PTPRM: variants seen among roughly 807,000 people sequenced by gnomAD.
PTPRM encodes receptor-type tyrosine-protein phosphatase mu.
In PTPRM, 47 loss-of-function variants were observed where a neutral mutation model predicts 186.7. That is an observed-to-expected ratio of 0.25 (90% CI 0.20 to 0.32). PTPRM has a LOEUF of 0.32. PTPRM is among the 10% of genes least tolerant of loss of function. PTPRM has a pLI of 1.00. For synonymous variants in PTPRM, 668 were observed against 674.9 expected (o/e 0.99, Z 0.16); for missense variants, 1,494 against 1,865.0 (o/e 0.80, Z 3.66).
At chr18:8,028,133 G>C (rs1335093468) in intron 7 of PTPRM, among the ~76,000 whole-genome samples, 1 of 152,142 alleles carries the variant, frequency 6.6e-6, no homozygotes, top group South Asian at 2.1e-4. Flanking sequence ...TTCCCAAGTA[G>C]CTGGAATTAC....
At chr18:8,276,941 T>G (rs1403593437) in intron 19 of PTPRM, among the ~76,000 whole-genome samples, 2 of 119,302 alleles carry the variant, frequency 1.7e-5, no homozygotes, top group African/African-American at 2.9e-5. Context: ...TTGCCAAAAC[T>G]GTAATTTTTT....
At chr18:7,786,795 T>A (rs950559728) in intron 2 of PTPRM, among the ~76,000 whole-genome samples, 1 of 152,216 alleles carries the variant, frequency 6.6e-6, no homozygotes, top group Non-Finnish European at 1.5e-5. Context: ...TGCCAGTAGG[T>A]CAACCACTGA....
chr18:7,606,306 T>C (rs576065929), intron 1 of PTPRM, among the ~76,000 whole-genome samples: 14 of 152,214 alleles, frequency 9.2e-5, no homozygotes, highest in Non-Finnish European at 1.3e-4. Context: ...CTTACTGTGG[T>C]TGCTTCTGTG....
At chr18:7,744,405 A>C (rs2040943367) in intron 1 of PTPRM, among the ~76,000 whole-genome samples, 1 of 151,974 alleles carries the variant, frequency 6.6e-6, no homozygotes, top group Non-Finnish European at 1.5e-5. Context: ...GAGTGGGAGT[A>C]AGGTAGAGTA....
intron 20 of PTPRM, among the ~76,000 whole-genome samples, chr18:8,302,803 T>C (rs1228203855): frequency 6.6e-6 from 1 of 151,814 alleles, no homozygotes; most frequent in Admixed American, 6.6e-5. Context: ...GGATGGGCCA[T>C]TCCCTTCCAG....
At chr18:7,853,680 C>T (rs1030789665) in intron 2 of PTPRM, among the ~76,000 whole-genome samples, 25 of 152,110 alleles carry the variant, frequency 1.6e-4, no homozygotes, top group African/African-American at 5.6e-4. Flanking sequence ...GTGGTAGAGA[C>T]ATACTTGTGC....
At chr18:7,879,465 T>A (rs1262203541) in intron 2 of PTPRM, among the ~76,000 whole-genome samples, 1 of 152,164 alleles carries the variant, frequency 6.6e-6, no homozygotes, top group East Asian at 1.9e-4. Flanking sequence ...TAGGTCCAAG[T>A]TTGTCTCGTT....
At chr18:7,859,521 C>T (rs2047251045) in intron 2 of PTPRM, among the ~76,000 whole-genome samples, 1 of 152,234 alleles carries the variant, frequency 6.6e-6, no homozygotes, top group Admixed American at 6.5e-5. Context: ...CTTCCATGAG[C>T]CTTCTGAACT....
rs937226442 is a variant in PTPRM, at chr18:7,711,299, C to T, written c.74-62850C>T. Among the ~76,000 whole-genome samples the T allele has an allele frequency of 2.0e-5, 3 of 152,284 alleles. No individual in the cohort carries two copies. In the East Asian group the frequency reaches 5.8e-4, roughly 30 times the overall value. On this transcript the variant is annotated intron_variant, in intron 1 of 32. Transcript: ENST00000580170. Reference sequence around the variant, plus strand: ...TGCCGTGAGGGACGGTGCACTCTGGCCCAGATACTACGCTTTTCTCATCGT... The same window carrying T: ...TGCCGTGAGGGACGGTGCACTCTGGTCCAGATACTACGCTTTTCTCATCGT...
At chr18:7,896,201 G>A (rs530247011) in intron 3 of PTPRM, among the ~76,000 whole-genome samples, 1 of 152,236 alleles carries the variant, frequency 6.6e-6, no homozygotes, top group African/African-American at 2.4e-5. Flanking sequence ...CTTTGATTTA[G>A]ACATTGATTT....
intron 1 of PTPRM, among the ~76,000 whole-genome samples, chr18:7,686,498 T>A (rs1232492979): frequency 3.3e-5 from 5 of 151,870 alleles, no homozygotes; most frequent in Non-Finnish European, 7.4e-5. Context: ...CTTATTTGCA[T>A]AATATCAATG....
rs1271589606 is a variant in PTPRM at position 7,768,656 on chromosome 18, T to A, written c.74-5493T>A. ...AAGATATATATATATATATTTTTTT[T>A]TTTTTTTGAGTTGGAGTTTCACTCT... On this transcript the variant is annotated intron_variant, in intron 1 of 32. Transcript: ENST00000580170. Among the ~76,000 whole-genome samples the A allele has an allele frequency of 1.6e-3, 242 of 150,932 alleles. 1 individual carries two copies. The highest frequency in any genetic ancestry group is 5.5e-3 in the African/African-American group (229 of 41,304).
intron 1 of PTPRM, among the ~76,000 whole-genome samples, chr18:7,620,362 A>C (rs763736220): frequency 9.9e-5 from 15 of 152,078 alleles, no homozygotes; most frequent in Non-Finnish European, 2.1e-4. Context: ...TTTTATGCTA[A>C]CCAAACATGG....
At chr18:7,948,171 AC>A (rs2052678546) in intron 5 of PTPRM, among the ~76,000 whole-genome samples, 1 of 149,406 alleles carries the variant, frequency 6.7e-6, no homozygotes, top group Non-Finnish European at 1.5e-5. Flanking sequence ...ACACACACAC[AC>A]ACACAGGTTT....
At chr18:7,931,848 C>T (rs75322347) in intron 5 of PTPRM, among the ~76,000 whole-genome samples, 1,856 of 152,168 alleles carry the variant, frequency 0.012, 46 homozygotes, top group African/African-American at 0.042. Flanking sequence ...GCTTGTTTCT[C>T]TCAGGACTTT....
At chr18:7,875,637 C>T (rs1235537830) in intron 2 of PTPRM, among the ~76,000 whole-genome samples, 2 of 152,098 alleles carry the variant, frequency 1.3e-5, no homozygotes, top group African/African-American at 2.4e-5. Flanking sequence ...ATGCACCATT[C>T]TTGCCAAAGA....
intron 1 of PTPRM, among the ~76,000 whole-genome samples, chr18:7,597,682 TTATGGAATG>T (rs2037300472): frequency 6.6e-6 from 1 of 152,216 alleles, no homozygotes; most frequent in East Asian, 1.9e-4. Context: ...ATGAAGTGGA[TTATGGAATG>T]TCCAGTGGGT....
At chr18:7,921,120 G>A (rs1477319636) in intron 4 of PTPRM, among the ~76,000 whole-genome samples, 1 of 151,976 alleles carries the variant, frequency 6.6e-6, no homozygotes, top group South Asian at 2.1e-4. Context: ...TCTGTCCCTG[G>A]ATATTTATCT....
intron 4 of PTPRM, among the ~76,000 whole-genome samples, chr18:7,922,939 T>C (rs2146755909): frequency 6.6e-6 from 1 of 152,306 alleles, no homozygotes; most frequent in Middle Eastern, 3.4e-3. Context: ...CTTGGTGCTA[T>C]TGAGATTTTG....
Sources: gnomAD v4.1 joint callset for allele counts (sites outside exome capture counted in the v4.1 genomes callset) on GRCh38, gnomAD v4.1.1 for gene constraint, MANE v1.5 for transcripts, NCBI Gene and HGNC (gene_info 2026-07-23, HGNC 2026-07-21) for gene names.